The following TBC1D32 variants were observed in gnomAD, a reference collection of about 807,000 sequenced individuals.
The protein encoded by TBC1D32 is protein broad-minded.
A neutral mutation model predicts 170.3 loss-of-function variants in TBC1D32; 151 were observed. That is an observed-to-expected ratio of 0.89 (90% CI 0.78 to 1.01). The LOEUF (loss-of-function observed/expected upper bound fraction) is 1.01, where lower values mean the gene tolerates loss of function less well. TBC1D32 is among the 50% of genes least tolerant of loss of function. TBC1D32 has a pLI of 0.00. For missense variants in TBC1D32, 1,464 were observed against 1,457.1 expected (o/e 1.00, Z -0.08); for synonymous variants, 498 against 488.0 (o/e 1.02, Z -0.27).
At chr6:121,194,930 C>A (rs1380364532) in intron 22 of TBC1D32, among the ~76,000 whole-genome samples, 1 of 152,114 alleles carries the variant, frequency 6.6e-6, no homozygotes, top group African/African-American at 2.4e-5. Context: ...GAAATAAATC[C>A]AACTAAAATT....
intron 26 of TBC1D32, among the ~76,000 whole-genome samples, chr6:121,123,240 A>G (rs1780464563): frequency 6.6e-6 from 1 of 152,082 alleles, no homozygotes; most frequent in Non-Finnish European, 1.5e-5. Context: ...GTTTTTTATT[A>G]TAAATGATGT....
At chr6:121,099,339 C>A (rs867109816) in intron 30 of TBC1D32, among the ~76,000 whole-genome samples, 1 of 151,878 alleles carries the variant, frequency 6.6e-6, no homozygotes, top group Non-Finnish European at 1.5e-5. Flanking sequence ...ATGTGATTTT[C>A]TGTTGCTCAT....
intron 14 of TBC1D32, among the ~76,000 whole-genome samples, chr6:121,280,889 T>C (rs1363483651): frequency 6.6e-6 from 1 of 151,806 alleles, no homozygotes; most frequent in Non-Finnish European, 1.5e-5. Flanking sequence ...AACCTATTGA[T>C]AAGCCTTAAA....
intron 12 of TBC1D32, among the ~76,000 whole-genome samples, chr6:121,288,261 C>A (rs1392415571): frequency 6.6e-6 from 1 of 151,812 alleles, no homozygotes; most frequent in African/African-American, 2.4e-5. Context: ...GCTAACAAGA[C>A]TAATAAAGAA....
chr6:121,150,676 T>G lies in TBC1D32; in HGVS notation c.2773+9334A>C, dbSNP rs181592740. On this transcript the variant is annotated intron_variant, in intron 24 of 31. Transcript: ENST00000398212. The stretch of plus-strand genomic sequence containing the variant: ...TAGACTATTAATTATTGCCTCAATT[T>G]CAGAACTTGCTATTGGTCTATTCAA... 8.3e-3 allele frequency among the ~76,000 whole-genome samples: 1,262 copies of G among 152,334 alleles called. 20 individuals carry two copies. Among genetic ancestry groups the G allele is most frequent in the African/African-American group, 0.028 (1,182 of 41,590 alleles).
chr6:121,318,626 A>G (rs960234338), intron 2 of TBC1D32, among the ~76,000 whole-genome samples: 2 of 152,028 alleles, frequency 1.3e-5, no homozygotes, highest in African/African-American at 4.8e-5. Context: ...GTCATCATAA[A>G]TAAGTTTCAA....
At chr6:121,149,670 T>C (rs1317624557) in intron 24 of TBC1D32, among the ~76,000 whole-genome samples, 2 of 152,170 alleles carry the variant, frequency 1.3e-5, no homozygotes, top group Non-Finnish European at 2.9e-5. Context: ...CCTTGTAGTA[T>C]AGTTTGAAGT....
At chr6:121,215,436 G>C (rs1000406830) in intron 21 of TBC1D32, among the ~76,000 whole-genome samples, 1 of 152,228 alleles carries the variant, frequency 6.6e-6, no homozygotes, top group Non-Finnish European at 1.5e-5. Context: ...CACTGCTCCA[G>C]ATGGGCCACC....
intron 4 of TBC1D32, among the ~76,000 whole-genome samples, chr6:121,308,590 T>C (rs1417867533): frequency 1.3e-5 from 2 of 151,864 alleles, no homozygotes; most frequent in Admixed American, 6.6e-5. Context: ...TACACCATAT[T>C]TTCTGGCCTT....
chr6:121,242,448 A>G, intron 17 of TBC1D32, 109 bp from the exon 18 acceptor site: 1 of 1,016,876 alleles, frequency 9.8e-7, no homozygotes, highest in Non-Finnish European at 1.4e-6. Context: ...GTTACACAGT[A>G]TATATTGGTT....
At chr6:121,181,756 C>G (rs137907181) in intron 22 of TBC1D32, among the ~76,000 whole-genome samples, 1 of 152,008 alleles carries the variant, frequency 6.6e-6, no homozygotes, top group African/African-American at 2.4e-5. Flanking sequence ...ATAAAGAAAA[C>G]GTAATACATT....
intron 26 of TBC1D32, among the ~76,000 whole-genome samples, chr6:121,116,363 A>C (rs768412252): frequency 3.3e-5 from 5 of 152,174 alleles, no homozygotes; most frequent in Non-Finnish European, 7.4e-5. Flanking sequence ...TCAGAGATCA[A>C]ATGTATATAG....
At position 121,242,287 on chromosome 6, in the gene TBC1D32, G is replaced by C. The variant is rs1452423723; in HGVS notation, c.2071C>G (p.Pro691Ala). Residue 691 changes from proline to alanine, a missense_variant, in exon 18 of 32, where the codon CCC becomes GCC. Physicochemically the swap from Pro to Ala is conservative, Grantham distance 27. This residue lies in a region of TBC1D32 where 1,363 missense variants were observed against 1,338.1 expected (regional missense o/e 1.02). Coordinates refer to ENST00000398212, the MANE Select transcript of TBC1D32 (RefSeq NM_152730.6). ...CTTTGAAGAAGTAGTAATCCTTTGG[G>C]GGTGGCAGCAAAATGTAGTAAATCA... The part of the protein sequence containing the change: ...LDDLLHFAAT[P>A]KGLLLLQRTG... 2 of 1,612,518 alleles carry C rather than the reference G, an allele frequency of 1.2e-6. No individual in the cohort carries two copies. The highest frequency in any genetic ancestry group is 1.1e-5 in the South Asian group (1 of 90,988).
At chr6:121,081,499 G>A (rs988074582) in intron 31 of TBC1D32, among the ~76,000 whole-genome samples, 7 of 151,844 alleles carry the variant, frequency 4.6e-5, no homozygotes, top group African/African-American at 1.7e-4. Context: ...TACACTCAAG[G>A]CAAAACAAAA....
In TBC1D32 at chr6:121,327,620, G is replaced by A. The variant is rs75872390; in HGVS notation, c.156-5826C>T. The stretch of plus-strand genomic sequence containing the variant: ...GTAAAGGAAAGCAAGCCATGTATGA[G>A]AGAGAATGGATAGAGGTTGTGGTAA... On this transcript the variant is annotated intron_variant, in intron 1 of 31. Transcript: ENST00000398212. Among the ~76,000 whole-genome samples the A allele has an allele frequency of 8.9e-3, 1,351 of 152,308 alleles. 25 individuals are homozygous for A. Among genetic ancestry groups the A allele is most frequent in the African/African-American group, 0.031 (1,277 of 41,570 alleles).
chr6:121,129,240 A>G (rs1781168292), intron 25 of TBC1D32, among the ~76,000 whole-genome samples: 1 of 152,194 alleles, frequency 6.6e-6, no homozygotes, highest in African/African-American at 2.4e-5. Context: ...CCATACAACC[A>G]TTCTGTTTTT....
chr6:121,244,224 G>T (rs939829744), intron 17 of TBC1D32, among the ~76,000 whole-genome samples: 1 of 151,730 alleles, frequency 6.6e-6, no homozygotes, highest in Non-Finnish European at 1.5e-5. Flanking sequence ...AAAAAGTATT[G>T]TTATTTTTTA....
At chr6:121,290,983 A>ACT (rs1339405690) in intron 12 of TBC1D32, among the ~76,000 whole-genome samples, 1 of 150,782 alleles carries the variant, frequency 6.6e-6, no homozygotes, top group African/African-American at 2.4e-5. Flanking sequence ...GGGGAGCATC[A>ACT]CACTGGGGCC....
At chr6:121,227,957 C>G (rs796901811) in intron 20 of TBC1D32, among the ~76,000 whole-genome samples, 2 of 152,206 alleles carry the variant, frequency 1.3e-5, no homozygotes, top group African/African-American at 4.8e-5. Flanking sequence ...CTGACAAATT[C>G]AATTTCTTTA....
Sources: allele counts gnomAD v4.1 joint callset (sites outside exome capture counted in the v4.1 genomes callset), GRCh38; gene constraint gnomAD v4.1.1; regional missense constraint gnomAD v4.1.1; transcripts MANE v1.5; gene names NCBI Gene and HGNC (gene_info 2026-07-23, HGNC 2026-07-21).